HPSE2: variants seen among roughly 807,000 people sequenced by gnomAD.
HPSE2 encodes the protein heparanase 2 (inactive).
HPSE2 carries 38 observed loss-of-function variants against 60.5 expected under a neutral mutation model. That is an observed-to-expected ratio of 0.63 (90% CI 0.48 to 0.82). HPSE2 has a LOEUF of 0.82. Ranked by LOEUF, HPSE2 falls within the 40% of genes least tolerant of loss-of-function variation. The pLI is 0.00. For synonymous variants in HPSE2, 295 were observed against 293.2 expected (o/e 1.01, Z -0.06); for missense variants, 713 against 740.4 (o/e 0.96, Z 0.43).
intron 2 of HPSE2, among the ~76,000 whole-genome samples, chr10:99,225,615 T>A (rs769244887): frequency 2.6e-5 from 4 of 152,132 alleles, no homozygotes; most frequent in Non-Finnish European, 4.4e-5. Context: ...CAAATGCAGT[T>A]ATTATAACAC....
chr10:99,016,570 G>A (rs1196607482), intron 3 of HPSE2, among the ~76,000 whole-genome samples: 1 of 152,062 alleles, frequency 6.6e-6, no homozygotes, highest in Non-Finnish European at 1.5e-5. Flanking sequence ...TGTGAACAAT[G>A]TCAATGGTAG....
chr10:98,621,987 C>G (rs746174680), intron 7 of HPSE2, among the ~76,000 whole-genome samples: 81 of 152,260 alleles, frequency 5.3e-4, no homozygotes, highest in African/African-American at 1.8e-3. Context: ...GGTCCTATGG[C>G]CCCCCAGCTA....
At chr10:98,467,565 C>A (rs1303881022) in intron 11 of HPSE2, among the ~76,000 whole-genome samples, 1 of 152,096 alleles carries the variant, frequency 6.6e-6, no homozygotes, top group Admixed American at 6.5e-5. Context: ...TATGGGCCTG[C>A]GCTTGAGTTA....
chr10:98,530,246 T>C (rs182352521), intron 9 of HPSE2, among the ~76,000 whole-genome samples: 3 of 152,330 alleles, frequency 2.0e-5, no homozygotes, highest in African/African-American at 7.2e-5. Flanking sequence ...CCAGATTTAC[T>C]TCAGTTCACC....
chr10:98,882,485 G>A (rs1270157226), intron 3 of HPSE2, among the ~76,000 whole-genome samples: 5 of 151,920 alleles, frequency 3.3e-5, no homozygotes, highest in Non-Finnish European at 7.4e-5. Flanking sequence ...AACTGGGTTC[G>A]AATCAGCTTT....
chr10:98,958,226 C>T (rs1449061229), intron 3 of HPSE2, among the ~76,000 whole-genome samples: 1 of 152,100 alleles, frequency 6.6e-6, no homozygotes. Flanking sequence ...TACACATACA[C>T]ATATTTGTAT....
At chr10:98,756,035 T>C (rs546391097) in intron 3 of HPSE2, among the ~76,000 whole-genome samples, 95 of 151,984 alleles carry the variant, frequency 6.3e-4, no homozygotes, top group Non-Finnish European at 1.1e-3. Flanking sequence ...CTCAAAACCA[T>C]ATAATTACAT....
At chr10:98,732,798 T>C (rs1949259598) in intron 4 of HPSE2, among the ~76,000 whole-genome samples, 1 of 152,062 alleles carries the variant, frequency 6.6e-6, no homozygotes, top group South Asian at 2.1e-4. Context: ...ATTCAAAGCT[T>C]TTAGACTAAA....
At chr10:99,157,540 G>T (rs1256896213) in intron 2 of HPSE2, among the ~76,000 whole-genome samples, 16 of 126,938 alleles carry the variant, frequency 1.3e-4, no homozygotes, top group Admixed American at 4.5e-4. Flanking sequence ...GGGAAAACTG[G>T]CTAGCCATAT....
At chr10:98,843,101 C>T (rs1951955028) in intron 3 of HPSE2, among the ~76,000 whole-genome samples, 1 of 151,994 alleles carries the variant, frequency 6.6e-6, no homozygotes, top group African/African-American at 2.4e-5. Flanking sequence ...TAAACTGTGT[C>T]ATGGGGGTTT....
At chr10:98,893,939 T>A (rs1286476391) in intron 3 of HPSE2, among the ~76,000 whole-genome samples, 4 of 151,614 alleles carry the variant, frequency 2.6e-5, no homozygotes, top group Non-Finnish European at 5.9e-5. Context: ...AAAAAAAAAT[T>A]CCATAAAAAG....
Position 99,111,015 on chromosome 10 carries a change from A to AT in HPSE2, c.610+33222dup, listed in dbSNP as rs372706676. ...AGATATAAAGTCTGTTTTCAGACTC[A>AT]TTTTTTTTGTGTATCTAGATAGCCA... is the stretch of plus-strand genomic sequence containing the variant. On this transcript the variant is annotated intron_variant, in intron 3 of 11. Transcript: ENST00000370552. 2.9e-3 allele frequency among the ~76,000 whole-genome samples: 437 copies of AT among 152,090 alleles called. 2 individuals are homozygous for AT. Among genetic ancestry groups the AT allele is most frequent in the Admixed American group, 5.7e-3 (87 of 15,264 alleles).
chr10:99,070,536 T>A (rs1842754983), intron 3 of HPSE2, among the ~76,000 whole-genome samples: 1 of 152,232 alleles, frequency 6.6e-6, no homozygotes, highest in Non-Finnish European at 1.5e-5. Flanking sequence ...TCTACCATTT[T>A]AAAAAATCAA....
intron 3 of HPSE2, among the ~76,000 whole-genome samples, chr10:98,943,392 A>G (rs1213311872): frequency 6.6e-6 from 1 of 151,948 alleles, no homozygotes; most frequent in East Asian, 1.9e-4. Context: ...TACCTATTAA[A>G]ATAGCTTTTA....
chr10:98,595,406 G>A (rs763107894), intron 9 of HPSE2, among the ~76,000 whole-genome samples: 2 of 151,996 alleles, frequency 1.3e-5, no homozygotes, highest in Admixed American at 6.6e-5. Context: ...TCCTGACCTC[G>A]TGATCCACCC....
chr10:99,152,039 C>G (rs570009143), intron 2 of HPSE2, among the ~76,000 whole-genome samples: 2 of 151,582 alleles, frequency 1.3e-5, no homozygotes, highest in African/African-American at 4.8e-5. Flanking sequence ...AGAGGCTGGG[C>G]ACTGTGGCTC....
chr10:99,271,244 C>T, the HPSE2 span, among the ~76,000 whole-genome samples: 1 of 152,178 alleles, frequency 6.6e-6, no homozygotes, highest in African/African-American at 2.4e-5. Context: ...ACCCAAAAGA[C>T]TCATCCAAAA....
chr10:99,014,228 T>C (rs1403392650), intron 3 of HPSE2, among the ~76,000 whole-genome samples: 2 of 152,198 alleles, frequency 1.3e-5, no homozygotes, highest in East Asian at 3.9e-4. Context: ...TCCCCATTCA[T>C]GTGTTAGTTT....
At chr10:98,545,449 A>T (rs1185547840) in intron 9 of HPSE2, among the ~76,000 whole-genome samples, 1 of 152,238 alleles carries the variant, frequency 6.6e-6, no homozygotes, top group South Asian at 2.1e-4. Context: ...CAAAAAGCTT[A>T]TCCACCATGA....
Sources: gnomAD v4.1 joint callset for allele counts (sites outside exome capture counted in the v4.1 genomes callset) on GRCh38, gnomAD v4.1.1 for gene constraint, MANE v1.5 for transcripts, NCBI Gene and HGNC (gene_info 2026-07-23, HGNC 2026-07-21) for gene names.